Variants in JAK2 observed in about 807,000 individuals in gnomAD.
JAK2 encodes Janus kinase 2.
JAK2 carries 86 observed loss-of-function variants against 139.3 expected under a neutral mutation model. That is an observed-to-expected ratio of 0.62 (90% CI 0.52 to 0.74). The LOEUF (loss-of-function observed/expected upper bound fraction) is 0.74, where lower values mean the gene tolerates loss of function less well. Ranked by LOEUF, JAK2 falls within the 30% of genes least tolerant of loss-of-function variation. JAK2 has a pLI of 0.00. For missense variants in JAK2, 1,421 were observed against 1,360.3 expected (o/e 1.04, Z -0.70); for synonymous variants, 490 against 437.7 (o/e 1.12, Z -1.49).
chr9:5,043,009 CGCGGCTCG>C (rs1282088536), intron 4 of JAK2, among the ~76,000 whole-genome samples: 3 of 152,210 alleles, frequency 2.0e-5, no homozygotes, highest in African/African-American at 7.2e-5. Flanking sequence ...GCTGGCGTCG[CGCGGCTCG>C]GCCCCTGGGC....
In JAK2 at chr9:5,032,327, G is replaced by T. The variant is rs149310942; in HGVS notation, c.350+2421G>T. ...TGTAGACTCCACCTCTGGGGGCAGGGCATAGCCAAACAAAAGGCAGCAGAA... is the reference window on the plus strand; with the variant it reads ...TGTAGACTCCACCTCTGGGGGCAGGTCATAGCCAAACAAAAGGCAGCAGAA... On this transcript the variant is annotated intron_variant, in intron 4 of 24. Coordinates refer to ENST00000381652, the MANE Select transcript of JAK2 (RefSeq NM_004972.4). Among the ~76,000 whole-genome samples, 706 of 152,348 alleles carry T rather than the reference G, an allele frequency of 4.6e-3. 6 individuals are homozygous for T. The highest frequency in any genetic ancestry group is 0.016 in the African/African-American group (669 of 41,586).
At chr9:4,990,359 A>G (rs532545297) in intron 2 of JAK2, among the ~76,000 whole-genome samples, 27 of 152,330 alleles carry the variant, frequency 1.8e-4, no homozygotes, top group African/African-American at 5.5e-4. Flanking sequence ...GGCAGTTACT[A>G]ACAAAAATAG....
chr9:5,072,998 A>C (rs1451813082), intron 13 of JAK2, among the ~76,000 whole-genome samples: 2 of 152,210 alleles, frequency 1.3e-5, no homozygotes, highest in Non-Finnish European at 2.9e-5. Context: ...TGTACTAAGG[A>C]ACATGCTTAG....
At chr9:5,108,732 A>G (rs982320482) in intron 22 of JAK2, 3 of 152,064 alleles carry the variant, frequency 2.0e-5, no homozygotes, top group African/African-American at 7.3e-5. Context: ...AGGGATAGTT[A>G]TGACAAGCTC....
chr9:5,106,631 C>A (rs1173010294), intron 22 of JAK2, among the ~76,000 whole-genome samples: 1 of 152,164 alleles, frequency 6.6e-6, no homozygotes, highest in Non-Finnish European at 1.5e-5. Context: ...TTCACAATAG[C>A]AAAGACTTGG....
Position 5,080,249 on chromosome 9 carries a change from T to C in JAK2, c.2152T>C (p.Trp718Arg). ...AAAAGTTCTTCAGGAGAGAATACCA[T>C]GGGTACCACCTGAATGCATTGAAAA... The part of the protein sequence containing the change: ...PKDILQERIP[W>R]VPPECIENPK... The change falls in exon 17 of 25, where the codon TGG (tryptophan) becomes CGG (arginine). Residue 718 changes from tryptophan to arginine, a missense_variant. Trp to Arg is a moderately radical substitution (Grantham distance 101). Coordinates refer to ENST00000381652, the MANE Select transcript of JAK2 (RefSeq NM_004972.4). The C allele has an allele frequency of 6.2e-7, 1 of 1,612,936 alleles. No homozygotes were observed. The highest frequency in any genetic ancestry group is 8.5e-7 in the Non-Finnish European group (1 of 1,179,212).
In JAK2 at chr9:5,090,570, G is replaced by GGTAACTAATATCCTGATTATTTGCTGT. The variant is rs771229756; in HGVS notation, c.2886+1_2886+27dup. The GGTAACTAATATCCTGATTATTTGCTGT allele has an allele frequency of 1.6e-5, 25 of 1,568,398 alleles. No individual in the cohort carries two copies. The African/African-American group carries it at 3.0e-4, about 19-fold the overall frequency. On this transcript the variant is annotated inframe_insertion and splice_region_variant. Transcript: ENST00000381652. The stretch of plus-strand genomic sequence containing the variant: ...TGCAGTACACATCTCAGATATGCAA[G>GGTAACTAATATCCTGATTATTTGCTGT]GTAACTAATATCCTGATTATTTGCT...
intron 22 of JAK2, among the ~76,000 whole-genome samples, chr9:5,122,228 G>T: frequency 6.6e-6 from 1 of 152,072 alleles, no homozygotes; most frequent in East Asian, 1.9e-4. Context: ...CTATAATAAA[G>T]ATAAACTTAG....
chr9:5,043,813 G>GT (rs1816795646), intron 4 of JAK2, among the ~76,000 whole-genome samples: 1 of 152,210 alleles, frequency 6.6e-6, no homozygotes, highest in Non-Finnish European at 1.5e-5. Context: ...GATGAACCTT[G>GT]AAAACATTAT....
chr9:5,021,743 A>G (rs1374201123), intron 2 of JAK2, among the ~76,000 whole-genome samples: 1 of 152,024 alleles, frequency 6.6e-6, no homozygotes, highest in Non-Finnish European at 1.5e-5. Flanking sequence ...CTTCCGCTCC[A>G]CTCCCAGAGT....
At chr9:5,085,387 G>A in intron 19 of JAK2, 1 of 888,446 alleles carries the variant, frequency 1.1e-6, no homozygotes, top group Admixed American at 1.7e-5. Flanking sequence ...CACTGGGTCG[G>A]GGCATCCTAG....
intron 22 of JAK2, among the ~76,000 whole-genome samples, chr9:5,093,212 T>C (rs1820719859): frequency 6.6e-6 from 1 of 152,150 alleles, no homozygotes; most frequent in African/African-American, 2.4e-5. Flanking sequence ...ATACTGTTAA[T>C]CCAACACAGG....
intron 4 of JAK2, among the ~76,000 whole-genome samples, chr9:5,043,191 G>A (rs1343825532): frequency 6.6e-6 from 1 of 152,212 alleles, no homozygotes; most frequent in Non-Finnish European, 1.5e-5. Context: ...ACTCCCAGCG[G>A]GTCAGCTTGA....
chr9:5,125,504 ATC>A lies in JAK2; in HGVS notation c.3178-825_3178-824del, dbSNP rs1823923439. ...TCCTCATGCATAAATATTTATATTT[ATC>A]TCTGATAATTATCTTAGAATAAAAG... On this transcript the variant is annotated intron_variant, in intron 23 of 24. Coordinates refer to ENST00000381652, the MANE Select transcript of JAK2 (RefSeq NM_004972.4). Among the ~76,000 whole-genome samples, 3 of 151,600 alleles carry A rather than the reference ATC, an allele frequency of 2.0e-5. No individual in the cohort carries two copies. In the South Asian group the frequency reaches 6.2e-4, roughly 31 times the overall value.
intron 22 of JAK2, chr9:5,111,922 A>G: frequency 5.9e-6 from 2 of 340,528 alleles, no homozygotes; most frequent in Non-Finnish European, 1.2e-5. Flanking sequence ...GCCTCAATCT[A>G]CTCTCCGGAT....
chr9:5,041,481 T>C (rs1816507772), intron 4 of JAK2: 2 of 597,470 alleles, frequency 3.3e-6, no homozygotes, highest in African/African-American at 3.7e-5. Flanking sequence ...GACACGATCA[T>C]GAGCGGTACA....
chr9:5,084,986 A>T, intron 19 of JAK2: 1 of 812,040 alleles, frequency 1.2e-6, no homozygotes, highest in Middle Eastern at 2.5e-4. Context: ...GAAAGAACAG[A>T]AAGAGTTGTC....
At chr9:5,041,902 A>G (rs901031651) in intron 4 of JAK2, 4 of 409,044 alleles carry the variant, frequency 9.8e-6, no homozygotes, top group Non-Finnish European at 1.4e-5. Flanking sequence ...GCCTGCAGAG[A>G]TGGAGGTGGG....
Position 5,075,932 on chromosome 9 carries a change from CA to C in JAK2, c.1865-1520del, listed in dbSNP as rs773194451. On this transcript the variant is annotated intron_variant, in intron 14 of 24. Transcript: ENST00000381652. ...GGTTCATGGAAGGAGATCAAAATGG[CA>C]GCATTAATAGGAATTTGGAAAAAGT... is the stretch of plus-strand genomic sequence containing the variant. Among the ~76,000 whole-genome samples, 12 of 152,162 alleles carry C rather than the reference CA, an allele frequency of 7.9e-5. No homozygotes were observed. In the South Asian group the frequency reaches 2.5e-3, roughly 32 times the overall value.
Sources: allele counts gnomAD v4.1 joint callset (sites outside exome capture counted in the v4.1 genomes callset), GRCh38; gene constraint gnomAD v4.1.1; transcripts MANE v1.5; gene names NCBI Gene and HGNC (gene_info 2026-07-23, HGNC 2026-07-21).